The following HYCC2 variants were observed in gnomAD, a reference collection of about 807,000 sequenced individuals.
HYCC2 encodes hyccin PI4KA lipid kinase complex subunit 2.
At chr2:201,039,919 A>T in the HYCC2 span, among the ~76,000 whole-genome samples, 119 of 152,342 alleles carry the variant, frequency 7.8e-4, no homozygotes, top group African/African-American at 2.6e-3. Flanking sequence ...TCACGCCTGT[A>T]ATCCCAGCAC....
At chr2:201,039,810 A>G in the HYCC2 span, among the ~76,000 whole-genome samples, 7 of 152,222 alleles carry the variant, frequency 4.6e-5, no homozygotes, top group Non-Finnish European at 8.8e-5. Flanking sequence ...TGGTCGCTGA[A>G]AAGTTTCTTC....
At chr2:201,015,983 A>G in the HYCC2 span, among the ~76,000 whole-genome samples, 1 of 152,210 alleles carries the variant, frequency 6.6e-6, no homozygotes, top group Non-Finnish European at 1.5e-5. Flanking sequence ...CTCTTATTAT[A>G]CAAACCACAT....
At chr2:201,021,579 C>T in the HYCC2 span, 1 of 154,368 alleles carries the variant, frequency 6.5e-6, no homozygotes, top group Non-Finnish European at 1.5e-5. Context: ...ACTTCACTGT[C>T]CTTCCAATCA....
chr2:201,020,130 A>C, the HYCC2 span, among the ~76,000 whole-genome samples: 1 of 152,130 alleles, frequency 6.6e-6, no homozygotes, highest in Non-Finnish European at 1.5e-5. Context: ...AATTTGAAGC[A>C]TATGTCTCAT....
chr2:201,031,306 T>C, the HYCC2 span, among the ~76,000 whole-genome samples: 47 of 152,042 alleles, frequency 3.1e-4, 1 homozygote, highest in Admixed American at 3.0e-3. Context: ...ACAATGAAAA[T>C]TGGAATCAGA....
chr2:200,998,360 G>T, the HYCC2 span, among the ~76,000 whole-genome samples: 1 of 152,102 alleles, frequency 6.6e-6, no homozygotes, highest in Non-Finnish European at 1.5e-5. Flanking sequence ...TTCCTGATAA[G>T]ATTTCAAGTC....
At chr2:201,047,241 G>C in the HYCC2 span, among the ~76,000 whole-genome samples, 1 of 151,788 alleles carries the variant, frequency 6.6e-6, no homozygotes, top group East Asian at 1.9e-4. Flanking sequence ...ATTGGTCTTA[G>C]AGCAAATGAG....
At chr2:201,018,139 C>T in the HYCC2 span, among the ~76,000 whole-genome samples, 5 of 151,988 alleles carry the variant, frequency 3.3e-5, no homozygotes, top group African/African-American at 1.2e-4. Context: ...CGATATCACA[C>T]AATATGACTT....
At chr2:200,982,758 T>C in the HYCC2 span, among the ~76,000 whole-genome samples, 1 of 152,106 alleles carries the variant, frequency 6.6e-6, no homozygotes, top group Non-Finnish European at 1.5e-5. Context: ...ACAAAATAAT[T>C]TATTTATTTA....
the HYCC2 span, among the ~76,000 whole-genome samples, chr2:201,035,122 G>T: frequency 6.6e-6 from 1 of 152,114 alleles, no homozygotes; most frequent in Non-Finnish European, 1.5e-5. Flanking sequence ...GGCGTTCTCT[G>T]TATTTCCTGA....
chr2:201,043,465 T>C, the HYCC2 span, among the ~76,000 whole-genome samples: 2 of 147,692 alleles, frequency 1.4e-5, no homozygotes, highest in East Asian at 2.0e-4. Context: ...AAAAATAGAA[T>C]AGTACTGGTT....
chr2:201,038,516 A>C, the HYCC2 span, among the ~76,000 whole-genome samples: 3 of 152,182 alleles, frequency 2.0e-5, no homozygotes, highest in Non-Finnish European at 4.4e-5. Context: ...ATGATAGACT[A>C]GATTAAGAAA....
the HYCC2 span, among the ~76,000 whole-genome samples, chr2:201,062,059 CA>C: frequency 6.6e-6 from 1 of 152,058 alleles, no homozygotes; most frequent in South Asian, 2.1e-4. Context: ...GAACCACGAT[CA>C]CACAACTGCA....
At chr2:201,070,620 C>A in the HYCC2 span, among the ~76,000 whole-genome samples, 1 of 151,992 alleles carries the variant, frequency 6.6e-6, no homozygotes, top group Admixed American at 6.6e-5. Context: ...CCATTGCACT[C>A]CAGCCTGGGC....
the HYCC2 span, among the ~76,000 whole-genome samples, chr2:200,982,606 T>C: frequency 6.6e-6 from 1 of 152,172 alleles, no homozygotes; most frequent in East Asian, 1.9e-4. Context: ...TTTAAGGATT[T>C]ATATTTTCTA....
chr2:200,979,146 G>A, the HYCC2 span: 1 of 150,900 alleles, frequency 6.6e-6, no homozygotes, highest in Non-Finnish European at 1.5e-5. Flanking sequence ...GGCCTTTATA[G>A]CTCATTTATT....
chr2:201,062,757 G>A, the HYCC2 span, among the ~76,000 whole-genome samples: 1 of 151,164 alleles, frequency 6.6e-6, no homozygotes, highest in South Asian at 2.1e-4. Context: ...GGTTGAGGCT[G>A]CAGTGAGCTA....
the HYCC2 span, chr2:200,996,415 C>T: frequency 6.6e-6 from 1 of 152,076 alleles, no homozygotes; most frequent in Non-Finnish European, 1.5e-5. Flanking sequence ...ATCACTTAAT[C>T]CCAGGAGTTT....
At chr2:201,052,282 AG>A in the HYCC2 span, 145 of 149,934 alleles carry the variant, frequency 9.7e-4, no homozygotes, top group Non-Finnish European at 1.7e-3. Flanking sequence ...GGGCAACAGG[AG>A]GGGGGGAAGA....
Sources: allele counts gnomAD v4.1 joint callset (sites outside exome capture counted in the v4.1 genomes callset), GRCh38; gene constraint gnomAD v4.1.1; transcripts MANE v1.5; gene names NCBI Gene and HGNC (gene_info 2026-07-23, HGNC 2026-07-21).